SOX6: variants seen among roughly 807,000 people sequenced by gnomAD.
The protein encoded by SOX6 is SRY-box transcription factor 6.
A neutral mutation model predicts 97.8 loss-of-function variants in SOX6; 11 were observed. That is an observed-to-expected ratio of 0.11 (90% confidence interval 0.07 to 0.19). The LOEUF (loss-of-function observed/expected upper bound fraction) is 0.19. Ranked by LOEUF, SOX6 falls within the 10% of genes least tolerant of loss-of-function variation. SOX6 has a pLI of 1.00. For synonymous variants in SOX6, 360 were observed against 371.4 expected (o/e 0.97, Z 0.35); for missense variants, 810 against 1,039.5 (o/e 0.78, Z 3.04).
chr11:16,172,357 T>C (rs545492643), intron 6 of SOX6, among the ~76,000 whole-genome samples: 1 of 152,230 alleles, frequency 6.6e-6, no homozygotes, highest in Non-Finnish European at 1.5e-5. Flanking sequence ...AGCCGTAATG[T>C]CAGGAGTTTG....
At chr11:16,131,261 A>G (rs1194580571) in intron 6 of SOX6, among the ~76,000 whole-genome samples, 3 of 152,014 alleles carry the variant, frequency 2.0e-5, no homozygotes, top group Admixed American at 6.5e-5. Flanking sequence ...CTCAATAATA[A>G]GTCAAATAAA....
intron 3 of SOX6, among the ~76,000 whole-genome samples, chr11:16,626,316 C>A (rs1266020070): frequency 6.6e-6 from 1 of 152,144 alleles, no homozygotes; most frequent in Admixed American, 6.5e-5. Context: ...TTTAGACTAT[C>A]ATTTTCTTTG....
chr11:16,253,405 T>C (rs1180211726), intron 3 of SOX6, among the ~76,000 whole-genome samples: 2 of 151,824 alleles, frequency 1.3e-5, no homozygotes, highest in African/African-American at 4.8e-5. Flanking sequence ...AGCAGTCCTA[T>C]GAGGAATGTT....
At chr11:16,549,099 T>G (rs555456432) in intron 4 of SOX6, among the ~76,000 whole-genome samples, 13 of 152,108 alleles carry the variant, frequency 8.5e-5, no homozygotes, top group Admixed American at 2.6e-4. Flanking sequence ...TCAAAATCAT[T>G]TAGTCATTAG....
chr11:16,230,680 C>G (rs1852821640), intron 4 of SOX6, among the ~76,000 whole-genome samples: 1 of 151,578 alleles, frequency 6.6e-6, no homozygotes, highest in Non-Finnish European at 1.5e-5. Context: ...TAAAAAATCA[C>G]TTTGGAATTT....
intron 3 of SOX6, among the ~76,000 whole-genome samples, chr11:16,644,102 A>G (rs891336943): frequency 6.6e-6 from 1 of 152,164 alleles, no homozygotes; most frequent in Non-Finnish European, 1.5e-5. Flanking sequence ...GTGCAATGGT[A>G]CAATCATGGC....
chr11:16,010,063 A>T (rs1028372641), intron 13 of SOX6, among the ~76,000 whole-genome samples: 1 of 148,906 alleles, frequency 6.7e-6, no homozygotes, highest in South Asian at 2.1e-4. Flanking sequence ...GTCTTAAACA[A>T]AGAGCTTAAG....
At chr11:16,049,552 T>C (rs1267371319) in intron 11 of SOX6, among the ~76,000 whole-genome samples, 1 of 152,122 alleles carries the variant, frequency 6.6e-6, no homozygotes, top group African/African-American at 2.4e-5. Flanking sequence ...AAAGAATCCA[T>C]CCCAGCAGGA....
At chr11:16,097,822 CT>C (rs774420623) in intron 7 of SOX6, 134 bp from the exon 8 acceptor site, 1 of 841,188 alleles carries the variant, frequency 1.2e-6, no homozygotes, top group Non-Finnish European at 2.0e-6. Flanking sequence ...AAACAAAAGG[CT>C]TAGTTGGGCA....
At chr11:16,286,279 T>C (rs1206955566) in intron 3 of SOX6, among the ~76,000 whole-genome samples, 7 of 152,074 alleles carry the variant, frequency 4.6e-5, no homozygotes, top group Admixed American at 3.9e-4. Flanking sequence ...AAGCAATGAC[T>C]AACGTCATTG....
chr11:16,017,000 A>AG (rs1471078029), intron 12 of SOX6, among the ~76,000 whole-genome samples: 3 of 152,006 alleles, frequency 2.0e-5, no homozygotes, highest in Non-Finnish European at 4.4e-5. Flanking sequence ...AAATATTCTC[A>AG]GTAAAATAAA....
In SOX6 at chr11:16,586,937, A is replaced by G. The variant is rs188770113; in HGVS notation, n.609+25144T>C. Among the ~76,000 whole-genome samples, 3 of 152,318 alleles carry G rather than the reference A, an allele frequency of 2.0e-5. No homozygotes were observed. The East Asian group carries it at 5.8e-4, about 29-fold the overall frequency. ...ATTCTGTAATAACTGAGATCAAACTATGACATGAGAATTGTGTAAAGTTGG... is the reference window on the plus strand; with the variant it reads ...ATTCTGTAATAACTGAGATCAAACTGTGACATGAGAATTGTGTAAAGTTGG... On this transcript the variant is annotated intron_variant and non_coding_transcript_variant, in intron 4 of 5. Transcript: ENST00000524520.
chr11:16,499,917 T>A (rs578228885), intron 4 of SOX6, among the ~76,000 whole-genome samples: 1 of 152,178 alleles, frequency 6.6e-6, no homozygotes, highest in Non-Finnish European at 1.5e-5. Flanking sequence ...CTGAAACTAT[T>A]CCAATCAATA....
intron 3 of SOX6, among the ~76,000 whole-genome samples, chr11:16,289,913 A>G (rs971774300): frequency 6.6e-6 from 1 of 152,046 alleles, no homozygotes; most frequent in Non-Finnish European, 1.5e-5. Flanking sequence ...TATTGCTACA[A>G]TGGTTCTGCT....
chr11:16,632,796 A>T (rs1358872350), intron 3 of SOX6, among the ~76,000 whole-genome samples: 1 of 152,188 alleles, frequency 6.6e-6, no homozygotes, highest in Non-Finnish European at 1.5e-5. Flanking sequence ...AGATCTGCCT[A>T]GGCGTGGAGT....
At chr11:16,426,940 G>T (rs1859152964) in intron 1 of SOX6, among the ~76,000 whole-genome samples, 1 of 147,200 alleles carries the variant, frequency 6.8e-6, no homozygotes, top group Admixed American at 6.8e-5. Flanking sequence ...AAAAAAACTG[G>T]ATCCCTTCTT....
chr11:16,620,353 C>T (rs1414058218), intron 3 of SOX6, among the ~76,000 whole-genome samples: 1 of 152,166 alleles, frequency 6.6e-6, no homozygotes, highest in Non-Finnish European at 1.5e-5. Flanking sequence ...TTTAATGTAT[C>T]ACTGGTTTTT....
At chr11:15,999,838 C>T (rs1854348885) in intron 13 of SOX6, among the ~76,000 whole-genome samples, 1 of 152,104 alleles carries the variant, frequency 6.6e-6, no homozygotes, top group African/African-American at 2.4e-5. Context: ...TTGATTTTCT[C>T]CTGTGAGATT....
intron 3 of SOX6, among the ~76,000 whole-genome samples, chr11:16,273,227 T>C (rs1384799796): frequency 6.6e-6 from 1 of 151,918 alleles, no homozygotes; most frequent in African/African-American, 2.4e-5. Flanking sequence ...ATAGAGATGA[T>C]GTGCGTGAGT....
Sources: gnomAD v4.1 joint callset for allele counts (sites outside exome capture counted in the v4.1 genomes callset) on GRCh38, gnomAD v4.1.1 for gene constraint, MANE v1.5 for transcripts, NCBI Gene and HGNC (gene_info 2026-07-23, HGNC 2026-07-21) for gene names.